Variants in GLIS3 observed in about 807,000 individuals in gnomAD.
The protein encoded by GLIS3 is GLIS family zinc finger 3.
Under a neutral mutation model 78.6 loss-of-function variants are expected in GLIS3, and 53 were observed. The ratio of observed to expected loss-of-function variants is 0.67; its 90% CI spans 0.54 to 0.85. The LOEUF is 0.85. Ranked by LOEUF, GLIS3 falls within the 40% of genes least tolerant of loss-of-function variation. The pLI is 0.00. For synonymous variants in GLIS3, 684 were observed against 509.9 expected (o/e 1.34, Z -4.60); for missense variants, 1,703 against 1,231.1 (o/e 1.38, Z -5.74).
chr9:4,427,710 G>A, the GLIS3 span, among the ~76,000 whole-genome samples: 1 of 151,952 alleles, frequency 6.6e-6, no homozygotes, highest in East Asian at 1.9e-4. Context: ...AGTACAAAAA[G>A]TAGCCAGGTG....
intron 2 of GLIS3, among the ~76,000 whole-genome samples, chr9:4,257,908 G>C (rs190092902): frequency 6.6e-6 from 1 of 151,958 alleles, no homozygotes; most frequent in Non-Finnish European, 1.5e-5. Flanking sequence ...TTAAAATATC[G>C]TGTTTTACAT....
intron 2 of GLIS3, among the ~76,000 whole-genome samples, chr9:4,145,957 T>G (rs193027594): frequency 6.6e-6 from 1 of 152,304 alleles, no homozygotes; most frequent in Non-Finnish European, 1.5e-5. Context: ...GACAAAAAAG[T>G]ACAAATCTGA....
intron 2 of GLIS3, among the ~76,000 whole-genome samples, chr9:4,274,238 T>G (rs1236054056): frequency 6.6e-6 from 1 of 152,144 alleles, no homozygotes; most frequent in Non-Finnish European, 1.5e-5. Flanking sequence ...ACTTGCAAGG[T>G]CAGTTACATA....
At chr9:4,253,951 G>T (rs1426181733) in intron 2 of GLIS3, among the ~76,000 whole-genome samples, 1 of 152,120 alleles carries the variant, frequency 6.6e-6, no homozygotes, top group Non-Finnish European at 1.5e-5. Flanking sequence ...TGTCTAACCA[G>T]TCCCAATGAC....
At chr9:4,305,616 A>G (rs769973822) in intron 4 of GLIS3, 3 of 152,228 alleles carry the variant, frequency 2.0e-5, no homozygotes, top group Non-Finnish European at 4.4e-5. Context: ...GGCCATAGGG[A>G]TTGGTTAAAA....
chr9:4,417,061 CAT>C, the GLIS3 span, among the ~76,000 whole-genome samples: 1 of 152,128 alleles, frequency 6.6e-6, no homozygotes, highest in Non-Finnish European at 1.5e-5. Flanking sequence ...TAAAACGTCA[CAT>C]GAGTTTAGAG....
intron 2 of GLIS3, among the ~76,000 whole-genome samples, chr9:4,275,160 G>A (rs1481283709): frequency 2.0e-5 from 3 of 152,146 alleles, no homozygotes; most frequent in South Asian, 2.1e-4. Context: ...ATATACCGAT[G>A]TCACTCAGGT....
chr9:4,089,608 T>C lies in GLIS3; in HGVS notation c.1710+28160A>G, dbSNP rs184093108. ...TGGGAGACCCAAGCAGGAGGATCTC[T>C]TGAGGCCAGGAGTTTGAAACCAGCC... On this transcript the variant is annotated intron_variant, in intron 4 of 10. Transcript: ENST00000381971. 4.6e-5 allele frequency among the ~76,000 whole-genome samples: 7 copies of C among 152,256 alleles called. No individual in the cohort carries two copies. The East Asian group carries it at 1.4e-3, about 29-fold the overall frequency.
chr9:3,937,373 C>T (rs1045249386), intron 4 of GLIS3, among the ~76,000 whole-genome samples, 184 bp from the exon 5 acceptor site: 1 of 152,064 alleles, frequency 6.6e-6, no homozygotes, highest in African/African-American at 2.4e-5. Flanking sequence ...TGCATTTTTC[C>T]ACTGAATATA....
chr9:3,829,501 C>T lies in GLIS3; in HGVS notation c.2474-9G>A. 2 of 1,613,970 alleles carry T rather than the reference C, an allele frequency of 1.2e-6. No individual in the cohort carries two copies. Among genetic ancestry groups the T allele is most frequent in the Non-Finnish European group, 1.7e-6 (2 of 1,179,944 alleles). On this transcript the variant is annotated splice_polypyrimidine_tract_variant and intron_variant, in intron 9 of 10. Transcript: ENST00000381971. The stretch of plus-strand genomic sequence containing the variant: ...CAGCTGCCCATAAAATCCTGAAACG[C>T]AAGCATGGCATTGAGCACAAGTTCC...
At chr9:4,272,410 C>T (rs1252472485) in intron 2 of GLIS3, among the ~76,000 whole-genome samples, 1 of 152,114 alleles carries the variant, frequency 6.6e-6, no homozygotes, top group Non-Finnish European at 1.5e-5. Context: ...AAAAACAAAA[C>T]AACATCCTAT....
intron 4 of GLIS3, among the ~76,000 whole-genome samples, chr9:4,087,602 G>A (rs544670095): frequency 1.3e-5 from 2 of 152,140 alleles, no homozygotes; most frequent in Non-Finnish European, 2.9e-5. Context: ...TGGCCTCATA[G>A]AGCTTAAAAA....
At chr9:3,991,471 T>C (rs1426857868) in intron 4 of GLIS3, among the ~76,000 whole-genome samples, 1 of 152,174 alleles carries the variant, frequency 6.6e-6, no homozygotes, top group African/African-American at 2.4e-5. Context: ...TGATTTCATT[T>C]GGAGGCTTAA....
the GLIS3 span, among the ~76,000 whole-genome samples, chr9:4,476,385 G>C: frequency 3.3e-5 from 5 of 152,172 alleles, no homozygotes; most frequent in East Asian, 7.7e-4. Context: ...TTTTGAGACA[G>C]AGTTTCCCTC....
At chr9:4,050,677 G>A (rs561501722) in intron 4 of GLIS3, among the ~76,000 whole-genome samples, 4 of 152,258 alleles carry the variant, frequency 2.6e-5, no homozygotes, top group East Asian at 1.9e-4. Flanking sequence ...TACAGAACAC[G>A]CTATGTCATG....
chr9:4,000,023 T>A (rs778972797), intron 4 of GLIS3, among the ~76,000 whole-genome samples: 5 of 152,042 alleles, frequency 3.3e-5, no homozygotes, highest in Non-Finnish European at 5.9e-5. Flanking sequence ...AGTAAACAAG[T>A]ATAGAAGTGA....
At chr9:3,949,015 C>T (rs1329496757) in intron 4 of GLIS3, among the ~76,000 whole-genome samples, 2 of 152,146 alleles carry the variant, frequency 1.3e-5, no homozygotes, top group East Asian at 3.8e-4. Context: ...CAAAGTCACA[C>T]ACAACTAGTA....
At chr9:4,453,212 G>C in the GLIS3 span, among the ~76,000 whole-genome samples, 2 of 151,882 alleles carry the variant, frequency 1.3e-5, no homozygotes, top group Non-Finnish European at 2.9e-5. Flanking sequence ...AAAAACTCTA[G>C]AAGAAAACCT....
chr9:4,360,725 G>C, the GLIS3 span, among the ~76,000 whole-genome samples: 68,066 of 152,020 alleles, frequency 0.45, 15,529 homozygotes, highest in Middle Eastern at 0.48. Flanking sequence ...TCTTAAAATT[G>C]TGTTAGGCTG....
Sources: gnomAD v4.1 joint callset for allele counts (sites outside exome capture counted in the v4.1 genomes callset) on GRCh38, gnomAD v4.1.1 for gene constraint, MANE v1.5 for transcripts, NCBI Gene and HGNC (gene_info 2026-07-23, HGNC 2026-07-21) for gene names.